The following STARD13 variants were observed in gnomAD, a reference collection of about 807,000 sequenced individuals.
STARD13 encodes StAR related lipid transfer domain containing 13, also known as stAR-related lipid transfer protein 13.
STARD13 carries 62 observed loss-of-function variants against 106.4 expected under a neutral mutation model. The ratio of observed to expected loss-of-function variants is 0.58; its 90% CI spans 0.48 to 0.72. STARD13 has a LOEUF of 0.72. Ranked by LOEUF, STARD13 falls within the 30% of genes least tolerant of loss-of-function variation. The probability of loss-of-function intolerance (pLI) is 0.00; values close to 1 mark genes in which losing one functional copy is unlikely to be tolerated. For missense variants in STARD13, 1,387 were observed against 1,424.0 expected, an observed-to-expected ratio of 0.97 and a Z score of 0.42; for synonymous variants, 565 against 553.0, an observed-to-expected ratio of 1.02 and a Z score of -0.31.
chr13:33,671,172 A>G, the STARD13 span, among the ~76,000 whole-genome samples: 1 of 152,156 alleles, frequency 6.6e-6, no homozygotes, highest in Non-Finnish European at 1.5e-5. Context: ...CCTATTAGGC[A>G]TTGCTTATAA....
intron 1 of STARD13, among the ~76,000 whole-genome samples, chr13:33,241,302 C>T (rs904081170): frequency 1.3e-5 from 2 of 152,008 alleles, no homozygotes; most frequent in Admixed American, 6.5e-5. Flanking sequence ...GTAAAAGGAA[C>T]CTAGTGAATG....
At chr13:33,247,056 G>C (rs928054514) in intron 1 of STARD13, among the ~76,000 whole-genome samples, 1 of 152,076 alleles carries the variant, frequency 6.6e-6, no homozygotes, top group African/African-American at 2.4e-5. Flanking sequence ...AATTAGCTGA[G>C]TGTGGTGACA....
the STARD13 span, among the ~76,000 whole-genome samples, chr13:33,407,449 T>C: frequency 6.6e-6 from 1 of 152,256 alleles, no homozygotes; most frequent in African/African-American, 2.4e-5. Context: ...GTATTGCTCC[T>C]GCTTTTTGCA....
At chr13:33,230,867 A>G (rs1318881915) in intron 1 of STARD13, among the ~76,000 whole-genome samples, 1 of 152,260 alleles carries the variant, frequency 6.6e-6, no homozygotes, top group Non-Finnish European at 1.5e-5. Flanking sequence ...GCAAGATGCT[A>G]AGAACCTGGT....
At chr13:33,510,970 A>G in the STARD13 span, among the ~76,000 whole-genome samples, 9 of 152,220 alleles carry the variant, frequency 5.9e-5, no homozygotes, top group African/African-American at 2.2e-4. Flanking sequence ...AAATTCTTTC[A>G]AAGAGAAATA....
chr13:33,341,611 AAG>A (rs2077962145), intron 1 of STARD13, among the ~76,000 whole-genome samples: 1 of 151,546 alleles, frequency 6.6e-6, no homozygotes, highest in South Asian at 2.1e-4. Flanking sequence ...AAAAAAGAAG[AAG>A]AAAAAAAGAA....
At chr13:33,220,389 C>T (rs1888289777) in intron 1 of STARD13, among the ~76,000 whole-genome samples, 1 of 152,122 alleles carries the variant, frequency 6.6e-6, no homozygotes, top group Non-Finnish European at 1.5e-5. Context: ...AAGATGATCC[C>T]TTATAAAAAT....
At chr13:33,645,071 G>A in the STARD13 span, among the ~76,000 whole-genome samples, 1 of 152,008 alleles carries the variant, frequency 6.6e-6, no homozygotes, top group South Asian at 2.1e-4. Flanking sequence ...ACGTGACCTC[G>A]CCGTTCCTCC....
the STARD13 span, among the ~76,000 whole-genome samples, chr13:33,650,173 T>TTTTTG: frequency 1.6e-5 from 1 of 63,046 alleles, no homozygotes; most frequent in East Asian, 4.4e-4. Context: ...AATTTTTTTT[T>TTTTTG]TTTTTTTTTT....
At chr13:33,360,012 AT>A in the STARD13 span, among the ~76,000 whole-genome samples, 1 of 152,222 alleles carries the variant, frequency 6.6e-6, no homozygotes, top group Admixed American at 6.5e-5. Flanking sequence ...CTGGTCTCTG[AT>A]TCTTTCAGAT....
chr13:33,486,384 G>A, the STARD13 span, among the ~76,000 whole-genome samples: 1 of 152,012 alleles, frequency 6.6e-6, no homozygotes, highest in African/African-American at 2.4e-5. Context: ...TATAAACTAT[G>A]TTTTTTCCTA....
At chr13:33,361,709 A>G in the STARD13 span, among the ~76,000 whole-genome samples, 965 of 152,322 alleles carry the variant, frequency 6.3e-3, 50 homozygotes, top group Admixed American at 0.058. Flanking sequence ...GAGAGGAGAA[A>G]GAGAGTGAAA....
rs368784427 is a variant in STARD13 at position 33,129,768 on chromosome 13, G to A, written c.909C>T (p.Cys303=). Residue 303 remains cysteine, a synonymous_variant, in exon 5 of 14, where the codon TGC becomes TGT. Coordinates refer to ENST00000336934, the MANE Select transcript of STARD13 (RefSeq NM_178006.4). ...GGAGATCTCCATTTGGTATTTGGAT[G>A]CACTGCATAGCCTTAAAGGACTCTG... The part of the protein sequence containing the change: ...QEPESFKAMQ[C]IQIPNGDLQN... 10 of 1,613,922 alleles carry A rather than the reference G, an allele frequency of 6.2e-6. No individual in the cohort carries two copies. The highest frequency in any genetic ancestry group is 1.1e-5 in the South Asian group (1 of 91,096).
chr13:33,515,388 C>T, the STARD13 span, among the ~76,000 whole-genome samples: 1 of 152,124 alleles, frequency 6.6e-6, no homozygotes, highest in Non-Finnish European at 1.5e-5. Flanking sequence ...TAATTTTTCT[C>T]ACATAAGCAA....
chr13:33,249,183 G>A (rs933510691), intron 1 of STARD13, among the ~76,000 whole-genome samples: 1 of 152,200 alleles, frequency 6.6e-6, no homozygotes, highest in Non-Finnish European at 1.5e-5. Context: ...AATGGTAGGA[G>A]GATTTCGAAG....
intron 1 of STARD13, among the ~76,000 whole-genome samples, chr13:33,327,315 A>C (rs1471789305): frequency 6.6e-6 from 1 of 152,076 alleles, no homozygotes; most frequent in Non-Finnish European, 1.5e-5. Flanking sequence ...TTTTGAGTAC[A>C]CTTTAGACGT....
At chr13:33,469,142 C>G in the STARD13 span, among the ~76,000 whole-genome samples, 117 of 152,290 alleles carry the variant, frequency 7.7e-4, no homozygotes, top group South Asian at 0.013. Context: ...TAAATTCTCT[C>G]ATTTTCCCCT....
At chr13:33,603,880 A>G in the STARD13 span, among the ~76,000 whole-genome samples, 1 of 152,220 alleles carries the variant, frequency 6.6e-6, no homozygotes, top group Non-Finnish European at 1.5e-5. Flanking sequence ...AAAAGAAGAC[A>G]AAGCAATACC....
At chr13:33,670,221 T>C in the STARD13 span, among the ~76,000 whole-genome samples, 1 of 152,164 alleles carries the variant, frequency 6.6e-6, no homozygotes, top group South Asian at 2.1e-4. Flanking sequence ...CTTATATTCT[T>C]CCTCTGTGTT....
Sources: gnomAD v4.1 joint callset for allele counts (sites outside exome capture counted in the v4.1 genomes callset) on GRCh38, gnomAD v4.1.1 for gene constraint, MANE v1.5 for transcripts, NCBI Gene and HGNC (gene_info 2026-07-23, HGNC 2026-07-21) for gene names.